The following DTNA variants were observed in gnomAD, a reference collection of about 807,000 sequenced individuals.
DTNA encodes dystrobrevin alpha.
A neutral mutation model predicts 100.7 loss-of-function variants in DTNA; 43 were observed. The observed-to-expected ratio is 0.43, with a 90% CI of 0.33 to 0.55. DTNA has a LOEUF of 0.55. DTNA is among the 20% of genes least tolerant of loss of function. The pLI, the probability that DTNA is intolerant of heterozygous loss-of-function variation, is 0.04. For missense variants in DTNA, 798 were observed against 953.9 expected (o/e 0.84, Z 2.15); for synonymous variants, 349 against 347.9 (o/e 1.00, Z -0.04).
intron 10 of DTNA, chr18:34,829,076 A>G: frequency 1.2e-6 from 2 of 1,614,154 alleles, no homozygotes; most frequent in South Asian, 2.2e-5. Context: ...GTCTAGATGG[A>G]TAACATGACT....
chr18:34,599,419 C>A (rs1463460592), intron 1 of DTNA, among the ~76,000 whole-genome samples: 1 of 152,150 alleles, frequency 6.6e-6, no homozygotes, highest in African/African-American at 2.4e-5. Context: ...CTCATTAATT[C>A]AATAATTTGA....
At chr18:34,642,773 G>T (rs541400053) in intron 1 of DTNA, among the ~76,000 whole-genome samples, 15 of 152,160 alleles carry the variant, frequency 9.9e-5, no homozygotes, top group Non-Finnish European at 1.6e-4. Context: ...TGGCTAGGGG[G>T]GTCTCGATCT....
At chr18:34,861,141 TA>T (rs939054840) in intron 16 of DTNA, among the ~76,000 whole-genome samples, 1 of 152,122 alleles carries the variant, frequency 6.6e-6, no homozygotes, top group Non-Finnish European at 1.5e-5. Flanking sequence ...GTATTTAATA[TA>T]AACCCATATT....
intron 4 of DTNA, among the ~76,000 whole-genome samples, chr18:34,802,955 A>G (rs1248630812): frequency 1.3e-5 from 2 of 152,140 alleles, no homozygotes; most frequent in Admixed American, 1.3e-4. Flanking sequence ...TCACCCTGTT[A>G]TATTTACAAA....
intron 8 of DTNA, chr18:34,818,541 T>C (rs1255795187): frequency 2.1e-5 from 30 of 1,437,026 alleles, no homozygotes; most frequent in Non-Finnish European, 2.4e-5. Flanking sequence ...ATTTAAAATA[T>C]AGGAAGACTC....
chr18:34,863,954 C>T lies in DTNA; in HGVS notation c.1647-12C>T, dbSNP rs757020430. On this transcript the variant is annotated splice_polypyrimidine_tract_variant and intron_variant, in intron 16 of 22. Transcript: ENST00000444659. ...TGCATGCCGCTTCTGATGTCAGCTG[C>T]TTCTTTCTTAGACAGCGCAAAGATG... 8.7e-5 allele frequency: 140 copies of T among 1,604,358 alleles called. 1 individual carries two copies. The highest frequency in any genetic ancestry group is 2.6e-6 in the Non-Finnish European group (3 of 1,174,810).
At chr18:34,718,318 T>TA (rs2084496015) in intron 1 of DTNA, among the ~76,000 whole-genome samples, 1 of 152,228 alleles carries the variant, frequency 6.6e-6, no homozygotes, top group Non-Finnish European at 1.5e-5. Flanking sequence ...CCTCTTTCGT[T>TA]AAAATCTTAA....
intron 1 of DTNA, among the ~76,000 whole-genome samples, chr18:34,688,493 G>A (rs1237572813): frequency 3.9e-5 from 6 of 152,148 alleles, no homozygotes; most frequent in Non-Finnish European, 7.4e-5. Context: ...GGCTTGTAGC[G>A]TTTCTGCTGA....
intron 21 of DTNA, among the ~76,000 whole-genome samples, chr18:34,883,709 A>G (rs2096895727): frequency 1.3e-5 from 2 of 152,202 alleles, no homozygotes; most frequent in Admixed American, 1.3e-4. Flanking sequence ...TCATATGTCT[A>G]TAGATAAAGC....
intron 3 of DTNA, among the ~76,000 whole-genome samples, chr18:34,786,173 T>G (rs2094501015): frequency 6.6e-6 from 1 of 152,228 alleles, no homozygotes; most frequent in Admixed American, 6.5e-5. Context: ...AATGCTTATA[T>G]GCGTGTTCAT....
intron 1 of DTNA, among the ~76,000 whole-genome samples, chr18:34,701,789 CTG>C (rs2081407130): frequency 1.3e-5 from 2 of 152,118 alleles, no homozygotes. Flanking sequence ...CACATTCAAT[CTG>C]TGACTGATCC....
intron 1 of DTNA, among the ~76,000 whole-genome samples, chr18:34,515,260 A>G (rs542974860): frequency 6.6e-6 from 1 of 152,124 alleles, no homozygotes; most frequent in Admixed American, 6.6e-5. Context: ...TCCCTTGAAG[A>G]AAAAACTCCC....
intron 20 of DTNA, among the ~76,000 whole-genome samples, chr18:34,880,509 A>G (rs757001902): frequency 6.6e-6 from 1 of 152,210 alleles, no homozygotes; most frequent in Non-Finnish European, 1.5e-5. Context: ...GCAAAGGCTG[A>G]CCCAAAAGCT....
intron 1 of DTNA, among the ~76,000 whole-genome samples, chr18:34,693,725 C>A (rs2145923956): frequency 6.7e-6 from 1 of 149,238 alleles, no homozygotes; most frequent in East Asian, 2.0e-4. Context: ...GGACCACATC[C>A]TGCTTGTCAT....
intron 1 of DTNA, among the ~76,000 whole-genome samples, chr18:34,620,197 G>C (rs1312213205): frequency 6.6e-6 from 1 of 152,168 alleles, no homozygotes; most frequent in Non-Finnish European, 1.5e-5. Context: ...AAAGGTGAAA[G>C]GGAGATGGAG....
Position 34,879,732 on chromosome 18 carries a change from C to T in DTNA, c.2162+13C>T, listed in dbSNP as rs556564929. 77 of 1,613,826 alleles carry T rather than the reference C, an allele frequency of 4.8e-5. No individual in the cohort carries two copies. In the Middle Eastern group the frequency reaches 5.0e-4, roughly 10 times the overall value. ...TGCGTGGCGACATGTGAGTATCTTC[C>T]GCTTGGAAGCATTTTCTCAGTAACA... On this transcript the variant is annotated intron_variant, in intron 20 of 22. Transcript: ENST00000444659.
intron 13 of DTNA, among the ~76,000 whole-genome samples, chr18:34,845,141 T>C (rs759344409): frequency 3.9e-5 from 6 of 152,176 alleles, no homozygotes; most frequent in Non-Finnish European, 8.8e-5. Context: ...CTATTTGTAA[T>C]TGAAGTCTTG....
In DTNA at chr18:34,812,014, C is replaced by T. The variant is rs1602476332; in HGVS notation, c.504C>T (p.Asp168=). ...SSGVMVYGRY[D]QFLREVLKLP... Reference sequence around the variant, plus strand: ...GGGTGATGGTTTATGGACGATATGACCAATTCCTTCGGGAAGTTCTCAAAC... The same window carrying T: ...GGGTGATGGTTTATGGACGATATGATCAATTCCTTCGGGAAGTTCTCAAAC... The change falls in exon 6 of 23, where the codon GAC becomes GAT. Residue 168 remains aspartate, a synonymous_variant. Coordinates refer to ENST00000444659, the MANE Select transcript of DTNA (RefSeq NM_001386795.1). 6.2e-7 allele frequency: 1 copy of T among 1,614,026 alleles called. No individual in the cohort carries two copies. Among genetic ancestry groups the T allele is most frequent in the South Asian group, 1.1e-5 (1 of 91,086 alleles).
chr18:34,500,503 G>A (rs61498031), intron 1 of DTNA, among the ~76,000 whole-genome samples: 2,441 of 150,712 alleles, frequency 0.016, 61 homozygotes, highest in African/African-American at 0.056. Context: ...TCATTCTGTC[G>A]CCCAGGCTGG....
Sources: allele counts gnomAD v4.1 joint callset (sites outside exome capture counted in the v4.1 genomes callset), GRCh38; gene constraint gnomAD v4.1.1; transcripts MANE v1.5; gene names NCBI Gene and HGNC (gene_info 2026-07-23, HGNC 2026-07-21).